CDKN2B-AS1: variants seen among roughly 807,000 people sequenced by gnomAD.
CDKN2B-AS1 encodes CDKN2B and CDKN2A antisense cis and trans regulatory RNA 1.
At chr9:22,062,033 A>C (rs1363529478) in intron 4 of CDKN2B-AS1, 1 of 152,186 alleles carries the variant, frequency 6.6e-6, no homozygotes, top group Non-Finnish European at 1.5e-5. Flanking sequence ...CAAGGTAACA[A>C]ATTTTGGAAC....
chr9:22,015,635 A>C (rs1411071475), intron 1 of CDKN2B-AS1, among the ~76,000 whole-genome samples: 1 of 151,696 alleles, frequency 6.6e-6, no homozygotes, highest in East Asian at 1.9e-4. Flanking sequence ...TTATTTATTT[A>C]TTTTTCTTTA....
rs1034903333 is a variant in CDKN2B-AS1, at chr9:21,999,732, T to G, written n.29+4571T>G. On this transcript the variant is annotated intron_variant and non_coding_transcript_variant, in intron 1 of 4. Coordinates refer to ENST00000650946, the Ensembl canonical transcript of CDKN2B-AS1. The surrounding 1 kb of genome is among the most constrained non-coding windows in gnomAD (Gnocchi z 4.7). ...TTGACATGCTTGTGAGGAGACTTTT[T>G]TTGTTGTTGTTGTTGTTAGGGCTCA... is the stretch of plus-strand genomic sequence containing the variant. 2.8e-4 allele frequency among the ~76,000 whole-genome samples: 43 copies of G among 152,170 alleles called. No individual in the cohort carries two copies. The highest frequency in any genetic ancestry group is 7.9e-4 in the African/African-American group (33 of 41,524).
At chr9:22,102,955 G>A (rs962040240) in intron 4 of CDKN2B-AS1, among the ~76,000 whole-genome samples, 1 of 152,214 alleles carries the variant, frequency 6.6e-6, no homozygotes, top group Non-Finnish European at 1.5e-5. Context: ...GGACCTCAGA[G>A]ATGGTCCTTG....
intron 1 of CDKN2B-AS1, chr9:22,029,446 G>A (rs10965215): frequency 0.52 from 401,717 of 778,978 alleles, 107,992 homozygotes; most frequent in Admixed American, 0.72. Context: ...TATTTGCCAC[G>A]ACATTTCAAA....
chr9:22,025,492 G>A (rs1227241521), intron 1 of CDKN2B-AS1, among the ~76,000 whole-genome samples: 1 of 152,192 alleles, frequency 6.6e-6, no homozygotes, highest in Non-Finnish European at 1.5e-5. Flanking sequence ...CTGGTGGGGT[G>A]TGGCTAGAGG....
chr9:22,046,822 T>C (rs1823129835), exon 2 of CDKN2B-AS1: 1 of 152,164 alleles, frequency 6.6e-6, no homozygotes, highest in South Asian at 2.1e-4. Flanking sequence ...ACTTCTGTTT[T>C]CTGGCCACCA....
intron 4 of CDKN2B-AS1, among the ~76,000 whole-genome samples, chr9:22,073,107 T>C (rs76961142): frequency 6.6e-6 from 1 of 152,304 alleles, no homozygotes; most frequent in Non-Finnish European, 1.5e-5. Context: ...TTTTCTCTTA[T>C]TAATTTCTAT....
chr9:22,053,170 T>C (rs1482359820), intron 3 of CDKN2B-AS1, among the ~76,000 whole-genome samples: 1 of 152,210 alleles, frequency 6.6e-6, no homozygotes, highest in Non-Finnish European at 1.5e-5. Context: ...AAACAACCAG[T>C]TTGGATTATC....
At chr9:22,100,265 A>T (rs1424496456) in intron 4 of CDKN2B-AS1, among the ~76,000 whole-genome samples, 1 of 152,140 alleles carries the variant, frequency 6.6e-6, no homozygotes, top group Admixed American at 6.6e-5. Flanking sequence ...TGGTTATAGC[A>T]CATTTTTATC....
chr9:22,022,158 A>G (rs942261188), intron 1 of CDKN2B-AS1, among the ~76,000 whole-genome samples: 2 of 151,582 alleles, frequency 1.3e-5, no homozygotes, highest in Non-Finnish European at 2.9e-5. Context: ...AGTTTTGTAT[A>G]TATCTATCAG....
chr9:22,020,530 A>G (rs1340360539), intron 1 of CDKN2B-AS1, among the ~76,000 whole-genome samples: 2 of 151,982 alleles, frequency 1.3e-5, no homozygotes, highest in African/African-American at 4.8e-5. Context: ...CACTACCTCA[A>G]CAGCATCTGT....
chr9:22,128,010 C>T (rs72655420), exon 5 of CDKN2B-AS1, among the ~76,000 whole-genome samples: 4 of 152,106 alleles, frequency 2.6e-5, no homozygotes, highest in African/African-American at 2.4e-5. Flanking sequence ...TCATTCCGCT[C>T]ATCTGGAAAA....
intron 4 of CDKN2B-AS1, among the ~76,000 whole-genome samples, chr9:22,083,257 T>A (rs1824759568): frequency 6.6e-6 from 1 of 152,188 alleles, no homozygotes; most frequent in Non-Finnish European, 1.5e-5. Flanking sequence ...TGAATTTAGA[T>A]GTATTTTTCT....
intron 4 of CDKN2B-AS1, among the ~76,000 whole-genome samples, chr9:22,060,143 A>G (rs1247249693): frequency 6.6e-6 from 1 of 152,190 alleles, no homozygotes; most frequent in Non-Finnish European, 1.5e-5. Flanking sequence ...TTCTACAGCT[A>G]GCTTGAATTT....
intron 1 of CDKN2B-AS1, among the ~76,000 whole-genome samples, chr9:22,019,431 A>G (rs1269258855): frequency 1.3e-5 from 2 of 152,204 alleles, no homozygotes; most frequent in Non-Finnish European, 2.9e-5. Flanking sequence ...TTTAAAGAAT[A>G]ACATCAGCAC....
In CDKN2B-AS1 at chr9:22,009,442, A is replaced by G. The variant is rs1375796017; in HGVS notation, n.29+14281A>G. 13 of 292,964 alleles carry G rather than the reference A, an allele frequency of 4.4e-5. No homozygotes were observed. In the East Asian group the frequency reaches 7.7e-4, roughly 17 times the overall value. The allele number at this position is 292,964 out of a possible 1,614,324, so 18.1% of individuals were successfully genotyped here. A position where few individuals can be genotyped will look rare whatever the true frequency, so the allele number is the denominator to read the frequency against. ...GGGCCGACGCGTCACGAGGGCGGGG[A>G]AGCCTGCCCAAAGATGCTAGGACGC... On this transcript the variant is annotated intron_variant and non_coding_transcript_variant, in intron 1 of 4. Coordinates refer to ENST00000650946, the Ensembl canonical transcript of CDKN2B-AS1.
At chr9:22,055,635 T>G (rs988917781) in intron 3 of CDKN2B-AS1, among the ~76,000 whole-genome samples, 1 of 152,210 alleles carries the variant, frequency 6.6e-6, no homozygotes, top group Non-Finnish European at 1.5e-5. Context: ...TTTTTCACTA[T>G]TTTTTATAGA....
intron 4 of CDKN2B-AS1, among the ~76,000 whole-genome samples, chr9:22,094,370 G>A (rs1005761212): frequency 6.9e-6 from 1 of 144,246 alleles, no homozygotes; most frequent in Admixed American, 6.7e-5. Flanking sequence ...GGCCTGCCTT[G>A]CTAGATTGGG....
chr9:22,004,555 C>T lies in CDKN2B-AS1; in HGVS notation n.29+9394C>T, dbSNP rs935504946. ...ATGTATTTTTAAACCAAATTACCCACCTCTTGGAGTTCAATCTCTGTTAAT... is the reference window on the plus strand; with the variant it reads ...ATGTATTTTTAAACCAAATTACCCATCTCTTGGAGTTCAATCTCTGTTAAT... On this transcript the variant is annotated intron_variant and non_coding_transcript_variant, in intron 1 of 4. Transcript: ENST00000650946. The T allele has an allele frequency of 2.6e-5, 6 of 232,354 alleles. No homozygotes were observed. In the East Asian group the frequency reaches 3.0e-4, roughly 12 times the overall value. The allele number at this position is 232,354 out of a possible 1,614,324, so 14.4% of individuals were successfully genotyped here. A position where few individuals can be genotyped will look rare whatever the true frequency, so the allele number is the denominator to read the frequency against.
Sources: allele counts gnomAD v4.1 joint callset (sites outside exome capture counted in the v4.1 genomes callset), GRCh38; gene constraint gnomAD v4.1.1; non-coding constraint Gnocchi (gnomAD v3.1); transcripts MANE v1.5; gene names NCBI Gene and HGNC (gene_info 2026-07-23, HGNC 2026-07-21).